The following NPAS3 variants were observed in gnomAD, a reference collection of about 807,000 sequenced individuals.
NPAS3 encodes the protein neuronal PAS domain-containing protein 3.
A neutral mutation model predicts 73.1 loss-of-function variants in NPAS3; 14 were observed. The ratio of observed to expected loss-of-function variants is 0.19; its 90% CI spans 0.13 to 0.30. The LOEUF is 0.30. Ranked by LOEUF, NPAS3 falls within the 10% of genes least tolerant of loss-of-function variation. The pLI, the probability that NPAS3 is intolerant of heterozygous loss-of-function variation, is 1.00. For synonymous variants in NPAS3, 620 were observed against 541.5 expected, an observed-to-expected ratio of 1.14 and a Z score of -2.01; for missense variants, 1,096 against 1,250.0, an observed-to-expected ratio of 0.88 and a Z score of 1.86.
At position 33,725,597 on chromosome 14, in the gene NPAS3, C is replaced by T. The variant is rs192777677; in HGVS notation, c.734-9617C>T. On this transcript the variant is annotated intron_variant, in intron 6 of 11. Transcript: ENST00000356141. The stretch of plus-strand genomic sequence containing the variant: ...CTCTGAACAAAGCCCCTACTGCCTA[C>T]CTCTCTCATGTCACCATACTCCTGT... Among the ~76,000 whole-genome samples, 433 of 152,148 alleles carry T rather than the reference C, an allele frequency of 2.8e-3. 3 individuals carry two copies. Among genetic ancestry groups the T allele is most frequent in the African/African-American group, 8.9e-3 (368 of 41,486 alleles).
At chr14:33,523,184 C>A (rs1379648178) in intron 4 of NPAS3, among the ~76,000 whole-genome samples, 1 of 152,064 alleles carries the variant, frequency 6.6e-6, no homozygotes, top group African/African-American at 2.4e-5. Context: ...AGGTACTGTA[C>A]TTCAGTGATT....
At chr14:33,473,254 CAT>C (rs1409538086) in intron 4 of NPAS3, among the ~76,000 whole-genome samples, 1 of 152,144 alleles carries the variant, frequency 6.6e-6, no homozygotes, top group African/African-American at 2.4e-5. Flanking sequence ...GCATTTAAAA[CAT>C]ATAAATGCAA....
chr14:33,599,220 T>A (rs1221245515), intron 5 of NPAS3, among the ~76,000 whole-genome samples: 1 of 152,192 alleles, frequency 6.6e-6, no homozygotes, highest in Non-Finnish European at 1.5e-5. Context: ...ACCGTTTAAA[T>A]CCATTTGTTA....
chr14:33,189,610 G>A (rs1245983884), intron 2 of NPAS3, among the ~76,000 whole-genome samples: 1 of 152,148 alleles, frequency 6.6e-6, no homozygotes, highest in Non-Finnish European at 1.5e-5. Flanking sequence ...GGCACAATAG[G>A]CACAATATCT....
In NPAS3 at chr14:33,735,342, T is replaced by C. The variant is rs2061496068; in HGVS notation, c.852+10T>C. 1.3e-6 allele frequency: 2 copies of C among 1,589,192 alleles called. No individual in the cohort carries two copies. The highest frequency in any genetic ancestry group is 2.2e-5 in the East Asian group (1 of 44,728). ...ATCATCAGGATATAAGGTAAGCCGGTTCCGGGAGGGGAGACATTGCTGTCT... is the reference window on the plus strand; with the variant it reads ...ATCATCAGGATATAAGGTAAGCCGGCTCCGGGAGGGGAGACATTGCTGTCT... On this transcript the variant is annotated intron_variant, in intron 7 of 11. Coordinates refer to ENST00000356141, the Ensembl canonical transcript of NPAS3.
At chr14:33,125,164 G>A (rs764315301) in intron 2 of NPAS3, among the ~76,000 whole-genome samples, 120 of 152,012 alleles carry the variant, frequency 7.9e-4, no homozygotes, top group Non-Finnish European at 1.6e-3. Context: ...CATGTAATGG[G>A]TGCATTACAT....
At position 33,316,018 on chromosome 14, in the gene NPAS3, G is replaced by A. The variant is rs537667682; in HGVS notation, c.386-51168G>A. On this transcript the variant is annotated intron_variant, in intron 3 of 11. Transcript: ENST00000356141. ...ACAGTGTCTCAAAAAAGTGAAAATTGTAACTTCCTTTTGCAGTTTTATAGA... is the reference window on the plus strand; with the variant it reads ...ACAGTGTCTCAAAAAAGTGAAAATTATAACTTCCTTTTGCAGTTTTATAGA... Among the ~76,000 whole-genome samples, 289 of 152,148 alleles carry A rather than the reference G, an allele frequency of 1.9e-3. 1 individual carries two copies. The highest frequency in any genetic ancestry group is 6.6e-3 in the African/African-American group (274 of 41,522).
At chr14:33,629,817 G>T (rs1298264850) in intron 5 of NPAS3, among the ~76,000 whole-genome samples, 1 of 151,826 alleles carries the variant, frequency 6.6e-6, no homozygotes, top group Non-Finnish European at 1.5e-5. Context: ...ACAGGACTTG[G>T]TAGCTTGTGA....
intron 2 of NPAS3, among the ~76,000 whole-genome samples, chr14:33,122,292 T>G (rs1382272245): frequency 6.6e-6 from 1 of 152,146 alleles, no homozygotes; most frequent in African/African-American, 2.4e-5. Context: ...AATGAAAGTT[T>G]TGGTATTTCT....
intron 5 of NPAS3, among the ~76,000 whole-genome samples, chr14:33,597,759 A>T (rs778960260): frequency 1.3e-5 from 2 of 152,242 alleles, no homozygotes; most frequent in Non-Finnish European, 2.9e-5. Flanking sequence ...CCTAGAGGTG[A>T]TCAGCTGAGA....
intron 1 of NPAS3, among the ~76,000 whole-genome samples, chr14:33,027,332 TCAGGA>T (rs1210552480): frequency 1.4e-4 from 21 of 152,184 alleles, no homozygotes; most frequent in Non-Finnish European, 2.6e-4. Context: ...GGGCTCTGAG[TCAGGA>T]GGAATACGAA....
exon 8 of NPAS3, chr14:33,774,443 C>T (rs145228000): frequency 2.9e-5 from 46 of 1,614,024 alleles, no homozygotes; most frequent in Non-Finnish European, 3.6e-5. Flanking sequence ...GCCTTGCCTC[C>T]CCCTACGATC....
intron 7 of NPAS3, among the ~76,000 whole-genome samples, chr14:33,762,730 T>C (rs1487683123): frequency 6.6e-6 from 1 of 152,222 alleles, no homozygotes; most frequent in Non-Finnish European, 1.5e-5. Flanking sequence ...TTAAGGAGTT[T>C]CCAAATGTGT....
At chr14:33,420,564 T>G (rs534844810) in intron 4 of NPAS3, among the ~76,000 whole-genome samples, 56 of 151,994 alleles carry the variant, frequency 3.7e-4, no homozygotes, top group African/African-American at 1.3e-3. Context: ...ATGGGCCTGT[T>G]AGTTAGCCAA....
chr14:32,970,210 A>G (rs941376130), intron 1 of NPAS3, among the ~76,000 whole-genome samples: 1 of 152,226 alleles, frequency 6.6e-6, no homozygotes, highest in African/African-American at 2.4e-5. Flanking sequence ...TTCCTAGGCT[A>G]GAGATAGACT....
At chr14:33,141,684 T>C (rs1279165766) in intron 2 of NPAS3, among the ~76,000 whole-genome samples, 2 of 152,236 alleles carry the variant, frequency 1.3e-5, no homozygotes, top group African/African-American at 4.8e-5. Context: ...TGATTAGATA[T>C]TTAGATGGTT....
intron 3 of NPAS3, among the ~76,000 whole-genome samples, chr14:33,283,974 A>G (rs942371029): frequency 6.6e-6 from 1 of 152,080 alleles, no homozygotes; most frequent in Admixed American, 6.6e-5. Flanking sequence ...TTGCGTGCAC[A>G]TTACTGTTTA....
At chr14:33,536,110 G>A (rs1469553987) in intron 4 of NPAS3, among the ~76,000 whole-genome samples, 1 of 152,116 alleles carries the variant, frequency 6.6e-6, no homozygotes, top group Non-Finnish European at 1.5e-5. Context: ...TAGACCTGAG[G>A]TGAACAGAAC....
chr14:33,532,451 G>C (rs1162550289), intron 4 of NPAS3, among the ~76,000 whole-genome samples: 1 of 152,072 alleles, frequency 6.6e-6, no homozygotes, highest in Non-Finnish European at 1.5e-5. Flanking sequence ...TATGCTGAGT[G>C]ATTTACCTGA....
Sources: allele counts gnomAD v4.1 joint callset (sites outside exome capture counted in the v4.1 genomes callset), GRCh38; gene constraint gnomAD v4.1.1; transcripts MANE v1.5; gene names NCBI Gene and HGNC (gene_info 2026-07-23, HGNC 2026-07-21).